The following AHCYL2 variants were observed in gnomAD, a reference collection of about 807,000 sequenced individuals.
AHCYL2 encodes S-adenosylhomocysteine hydrolase-like protein 2.
In AHCYL2, 28 loss-of-function variants were observed where a neutral mutation model predicts 81.4. The observed-to-expected ratio is 0.34, with a 90% CI of 0.25 to 0.47. The LOEUF is 0.47. Ranked by LOEUF, AHCYL2 falls within the 20% of genes least tolerant of loss-of-function variation. The pLI, the probability that AHCYL2 is intolerant of heterozygous loss-of-function variation, is 1.00. For missense variants in AHCYL2, 551 were observed against 785.1 expected (o/e 0.70, Z 3.56); for synonymous variants, 272 against 290.2 (o/e 0.94, Z 0.64).
At chr7:129,363,804 C>A (rs1794013549) in intron 1 of AHCYL2, among the ~76,000 whole-genome samples, 1 of 151,982 alleles carries the variant, frequency 6.6e-6, no homozygotes, top group African/African-American at 2.4e-5. Context: ...TCCCAAAGTG[C>A]TGGGATTACA....
chr7:129,402,103 C>T (rs1173758644), intron 6 of AHCYL2, among the ~76,000 whole-genome samples: 3 of 152,196 alleles, frequency 2.0e-5, no homozygotes, highest in Non-Finnish European at 4.4e-5. Context: ...GTTGTTCAAT[C>T]TCTCTTGTCT....
intron 1 of AHCYL2, among the ~76,000 whole-genome samples, chr7:129,334,088 CTGTTAGTGGATAG>C (rs1465191688): frequency 8.5e-5 from 13 of 152,132 alleles, no homozygotes; most frequent in Non-Finnish European, 1.8e-4. Context: ...CATCAGAACC[CTGTTAGTGGATAG>C]TTGAGTTGTT....
chr7:129,356,271 A>G (rs906241246), intron 1 of AHCYL2, among the ~76,000 whole-genome samples: 1 of 152,198 alleles, frequency 6.6e-6, no homozygotes, highest in Non-Finnish European at 1.5e-5. Context: ...TTACACAGTA[A>G]TAAACCATCT....
intron 1 of AHCYL2, among the ~76,000 whole-genome samples, chr7:129,347,775 C>T (rs1793414117): frequency 6.6e-6 from 1 of 152,098 alleles, no homozygotes; most frequent in African/African-American, 2.4e-5. Flanking sequence ...GGAAAACATG[C>T]AACCCCCACA....
rs374324297 is a variant in AHCYL2, at chr7:129,258,631, C to G, written c.363+33192C>G. Among the ~76,000 whole-genome samples the G allele has an allele frequency of 8.6e-5, 13 of 150,500 alleles. No homozygotes were observed. The South Asian group carries it at 2.7e-3, about 32-fold the overall frequency. On this transcript the variant is annotated intron_variant, in intron 1 of 16. Transcript: ENST00000325006. ...TACTGACTGACTTCCAGAGAGTTCC[C>G]TGAGATACCAGGTAAGATCTTGGAT... is the stretch of plus-strand genomic sequence containing the variant.
At chr7:129,321,133 A>G (rs1797999204) in intron 1 of AHCYL2, among the ~76,000 whole-genome samples, 1 of 152,168 alleles carries the variant, frequency 6.6e-6, no homozygotes, top group Non-Finnish European at 1.5e-5. Flanking sequence ...TGTAAAGACA[A>G]TTTTACTTTT....
chr7:129,368,506 G>A lies in AHCYL2; in HGVS notation c.364-11132G>A, dbSNP rs1176429203. ...CCCAAGCCTGCACTATGGAGAAGTGGGACGGTAATGAGGGCACCTCAGCTT... is the reference window on the plus strand; with the variant it reads ...CCCAAGCCTGCACTATGGAGAAGTGAGACGGTAATGAGGGCACCTCAGCTT... On this transcript the variant is annotated intron_variant, in intron 1 of 16. Coordinates refer to ENST00000325006, the MANE Select transcript of AHCYL2 (RefSeq NM_015328.4). This position sits in a 1 kb window ranked among gnomAD's most constrained non-coding sequence, Gnocchi z 4.4. The A allele has an allele frequency of 1.9e-6, 3 of 1,613,870 alleles. No individual in the cohort carries two copies. The highest frequency in any genetic ancestry group is 2.7e-5 in the African/African-American group (2 of 74,914).
chr7:129,236,705 C>T (rs1373794768), intron 1 of AHCYL2, among the ~76,000 whole-genome samples: 2 of 152,174 alleles, frequency 1.3e-5, no homozygotes, highest in East Asian at 1.9e-4. Context: ...TAACGATACA[C>T]GAAACAACTC....
At chr7:129,329,995 AAATTT>A (rs1798360903) in intron 1 of AHCYL2, among the ~76,000 whole-genome samples, 1 of 152,126 alleles carries the variant, frequency 6.6e-6, no homozygotes, top group South Asian at 2.1e-4. Context: ...CCTTTTTTAA[AAATTT>A]AATTTAATTT....
chr7:129,291,935 G>A (rs1796882194), intron 1 of AHCYL2, among the ~76,000 whole-genome samples: 1 of 151,848 alleles, frequency 6.6e-6, no homozygotes, highest in Non-Finnish European at 1.5e-5. Context: ...TGACAAATAT[G>A]GCTAAGTTTT....
intron 1 of AHCYL2, among the ~76,000 whole-genome samples, chr7:129,347,752 T>C (rs1376581319): frequency 6.6e-6 from 1 of 152,110 alleles, no homozygotes; most frequent in African/African-American, 2.4e-5. Flanking sequence ...TTGCCAGGGG[T>C]AGAAATGACG....
intron 12 of AHCYL2, among the ~76,000 whole-genome samples, chr7:129,414,636 G>A (rs900059940): frequency 6.6e-6 from 1 of 152,000 alleles, no homozygotes; most frequent in Non-Finnish European, 1.5e-5. Context: ...GGCTAGGCTG[G>A]TCTCAAACTC....
At chr7:129,381,633 G>T (rs959936758) in intron 2 of AHCYL2, among the ~76,000 whole-genome samples, 1 of 152,108 alleles carries the variant, frequency 6.6e-6, no homozygotes, top group Non-Finnish European at 1.5e-5. Context: ...GGAACATAGG[G>T]TGCTACTTAC....
intron 1 of AHCYL2, among the ~76,000 whole-genome samples, chr7:129,275,071 T>C (rs146446677): frequency 3.2e-4 from 49 of 152,316 alleles, no homozygotes; most frequent in South Asian, 1.0e-3. Context: ...TAGAATAGTT[T>C]TTAAATTTAG....
intron 1 of AHCYL2, among the ~76,000 whole-genome samples, chr7:129,227,169 A>G (rs1298780934): frequency 6.6e-6 from 1 of 152,194 alleles, no homozygotes; most frequent in Non-Finnish European, 1.5e-5. Flanking sequence ...AATATTTGTA[A>G]AAGGTTTAGC....
intron 1 of AHCYL2, among the ~76,000 whole-genome samples, chr7:129,303,694 T>A (rs1262625684): frequency 8.5e-5 from 13 of 152,236 alleles, no homozygotes; most frequent in Non-Finnish European, 2.9e-5. Flanking sequence ...AACTTTGGGT[T>A]TGGTTGGGTC....
At chr7:129,360,787 C>G (rs1793907362) in intron 1 of AHCYL2, among the ~76,000 whole-genome samples, 1 of 151,982 alleles carries the variant, frequency 6.6e-6, no homozygotes, top group Admixed American at 6.6e-5. Context: ...TGTAGAGCAC[C>G]AAGGCTCCAG....
At position 129,240,374 on chromosome 7, in the gene AHCYL2, A is replaced by T. The variant is rs999281909; in HGVS notation, c.363+14935A>T. The stretch of plus-strand genomic sequence containing the variant: ...TACATACACAGACACACACACTGAC[A>T]TCCAACAGGTAATGCTTAAAACTAA... On this transcript the variant is annotated intron_variant, in intron 1 of 16. Transcript: ENST00000325006. Among the ~76,000 whole-genome samples, 32 of 152,076 alleles carry T rather than the reference A, an allele frequency of 2.1e-4. 1 individual carries two copies. The highest frequency in any genetic ancestry group is 2.9e-5 in the Non-Finnish European group (2 of 68,022).
At chr7:129,264,054 C>A (rs977496128) in intron 1 of AHCYL2, among the ~76,000 whole-genome samples, 1 of 152,162 alleles carries the variant, frequency 6.6e-6, no homozygotes, top group Non-Finnish European at 1.5e-5. Flanking sequence ...CGGAGTCATG[C>A]TCTGTCGCCT....
Sources: allele counts gnomAD v4.1 joint callset (sites outside exome capture counted in the v4.1 genomes callset), GRCh38; gene constraint gnomAD v4.1.1; non-coding constraint Gnocchi (gnomAD v3.1); transcripts MANE v1.5; gene names NCBI Gene and HGNC (gene_info 2026-07-23, HGNC 2026-07-21).